The following OSBPL6 variants were observed in gnomAD, a reference collection of about 807,000 sequenced individuals.
OSBPL6 encodes the protein oxysterol binding protein like 6.
OSBPL6 carries 49 observed loss-of-function variants against 125.8 expected under a neutral mutation model. The observed-to-expected ratio is 0.39, with a 90% CI of 0.31 to 0.49. The LOEUF (loss-of-function observed/expected upper bound fraction) is 0.49, where lower values mean the gene tolerates loss of function less well. Among genes scored for constraint, OSBPL6 ranks in the 20% least tolerant of loss-of-function variants. The pLI is 0.88. For missense variants in OSBPL6, 986 were observed against 1,135.4 expected (o/e 0.87, Z 1.89); for synonymous variants, 394 against 391.8 (o/e 1.01, Z -0.07).
chr2:178,266,657 C>T (rs934093563), intron 1 of OSBPL6, among the ~76,000 whole-genome samples: 1 of 152,158 alleles, frequency 6.6e-6, no homozygotes, highest in Non-Finnish European at 1.5e-5. Flanking sequence ...CTCAGAGCAC[C>T]GCCCCTCACA....
chr2:178,310,709 A>G (rs1687198578), intron 3 of OSBPL6, among the ~76,000 whole-genome samples: 1 of 151,962 alleles, frequency 6.6e-6, no homozygotes, highest in Non-Finnish European at 1.5e-5. Flanking sequence ...GAGCCACCGC[A>G]CCCAGCCTCA....
At chr2:178,315,136 T>G (rs979702207) in intron 3 of OSBPL6, among the ~76,000 whole-genome samples, 2 of 152,244 alleles carry the variant, frequency 1.3e-5, no homozygotes, top group Non-Finnish European at 2.9e-5. Context: ...TTTGCATTTT[T>G]ACTACACGTA....
intron 1 of OSBPL6, among the ~76,000 whole-genome samples, chr2:178,203,585 C>T (rs901697130): frequency 6.6e-6 from 1 of 152,188 alleles, no homozygotes; most frequent in African/African-American, 2.4e-5. Context: ...TACCATGAGT[C>T]ATATTTCCCT....
At chr2:178,300,771 C>T (rs892888024) in intron 2 of OSBPL6, among the ~76,000 whole-genome samples, 1 of 152,194 alleles carries the variant, frequency 6.6e-6, no homozygotes, top group Non-Finnish European at 1.5e-5. Context: ...TTACTCTTAA[C>T]TGTCACTTAC....
At chr2:178,209,410 C>A (rs1018404154) in intron 1 of OSBPL6, among the ~76,000 whole-genome samples, 2 of 144,332 alleles carry the variant, frequency 1.4e-5, no homozygotes, top group African/African-American at 5.1e-5. Flanking sequence ...TTGAGTTTTG[C>A]ATGTTTGAAA....
intron 2 of OSBPL6, among the ~76,000 whole-genome samples, chr2:178,286,686 C>A (rs2154036287): frequency 6.6e-6 from 1 of 152,264 alleles, no homozygotes; most frequent in African/African-American, 2.4e-5. Context: ...GTTGCCTGAT[C>A]TGACTGTTTT....
intron 12 of OSBPL6, among the ~76,000 whole-genome samples, chr2:178,351,448 C>T (rs1691248337): frequency 6.6e-6 from 1 of 151,216 alleles, no homozygotes; most frequent in African/African-American, 2.4e-5. Context: ...ACACGAATAA[C>T]AACATAGCTA....
At chr2:178,374,513 C>T (rs1390266010) in intron 15 of OSBPL6, among the ~76,000 whole-genome samples, 1 of 152,164 alleles carries the variant, frequency 6.6e-6, no homozygotes, top group Non-Finnish European at 1.5e-5. Flanking sequence ...GGAGGTTAAC[C>T]GCTGACTATC....
chr2:178,387,363 A>C (rs1478911882), intron 20 of OSBPL6, among the ~76,000 whole-genome samples: 1 of 152,246 alleles, frequency 6.6e-6, no homozygotes, highest in Non-Finnish European at 1.5e-5. Flanking sequence ...TCTTCAGTCA[A>C]CACCACCAGG....
intron 3 of OSBPL6, among the ~76,000 whole-genome samples, chr2:178,307,677 C>G (rs1189132797): frequency 6.6e-6 from 1 of 151,894 alleles, no homozygotes; most frequent in Non-Finnish European, 1.5e-5. Context: ...CTTTGCCTGC[C>G]CTGCTGTTCT....
chr2:178,312,667 G>A (rs1687394559), intron 3 of OSBPL6, among the ~76,000 whole-genome samples: 1 of 151,686 alleles, frequency 6.6e-6, no homozygotes, highest in Admixed American at 6.6e-5. Flanking sequence ...CGTTTGCCAG[G>A]CTAGTCTCAA....
At chr2:178,194,384 G>A (rs977445323), upstream of OSBPL6, 1 of 152,114 alleles carries the variant, frequency 6.6e-6, no homozygotes, top group African/African-American at 2.4e-5. Flanking sequence ...CACTCCAGCC[G>A]GGCGGACGGG....
At chr2:178,238,049 A>G (rs1452063730) in intron 1 of OSBPL6, among the ~76,000 whole-genome samples, 1 of 152,206 alleles carries the variant, frequency 6.6e-6, no homozygotes. Context: ...ATTGTCTGCA[A>G]CTTTTAACAC....
chr2:178,313,178 G>A (rs1160037497), intron 3 of OSBPL6, among the ~76,000 whole-genome samples: 1 of 152,190 alleles, frequency 6.6e-6, no homozygotes, highest in Non-Finnish European at 1.5e-5. Flanking sequence ...TTACAAGCAT[G>A]AGCCACCACG....
intron 2 of OSBPL6, among the ~76,000 whole-genome samples, chr2:178,293,996 GA>G (rs1366635159): frequency 1.3e-5 from 2 of 151,884 alleles, no homozygotes; most frequent in African/African-American, 2.4e-5. Context: ...AAAACTTTTA[GA>G]AAAAAATAGG....
intron 1 of OSBPL6, among the ~76,000 whole-genome samples, chr2:178,228,666 A>T (rs560900951): frequency 6.6e-6 from 1 of 152,388 alleles, no homozygotes; most frequent in South Asian, 2.1e-4. Flanking sequence ...CCCAAATATT[A>T]TGCTAACATA....
intron 2 of OSBPL6, among the ~76,000 whole-genome samples, chr2:178,292,911 T>G (rs1204589661): frequency 6.6e-6 from 1 of 152,180 alleles, no homozygotes; most frequent in Admixed American, 6.6e-5. Flanking sequence ...ATTTGCTGAC[T>G]TTTTCATGTT....
chr2:178,229,703 A>G (rs9973904), intron 1 of OSBPL6, among the ~76,000 whole-genome samples: 2,293 of 152,248 alleles, frequency 0.015, 61 homozygotes, highest in African/African-American at 0.051. Context: ...GGTGGTGTGC[A>G]CCTGTACTCT....
At chr2:178,371,600 T>C (rs965656340) in intron 13 of OSBPL6, among the ~76,000 whole-genome samples, 8 of 152,280 alleles carry the variant, frequency 5.3e-5, no homozygotes, top group Admixed American at 5.2e-4. Flanking sequence ...AATTATGTGC[T>C]CCTGGAAAAT....
Sources: allele counts gnomAD v4.1 joint callset (sites outside exome capture counted in the v4.1 genomes callset), GRCh38; gene constraint gnomAD v4.1.1; transcripts MANE v1.5; gene names NCBI Gene and HGNC (gene_info 2026-07-23, HGNC 2026-07-21).